The following SVEP1 variants were observed in gnomAD, a reference collection of about 807,000 sequenced individuals.
SVEP1 encodes the protein sushi, von Willebrand factor type A, EGF and pentraxin domain-containing protein 1.
Under a neutral mutation model 367.3 loss-of-function variants are expected in SVEP1, and 164 were observed. The ratio of observed to expected loss-of-function variants is 0.45; its 90% CI spans 0.39 to 0.51. The LOEUF (loss-of-function observed/expected upper bound fraction) is 0.51. SVEP1 is among the 20% of genes least tolerant of loss of function. The pLI is 0.00. For missense variants in SVEP1, 4,117 were observed against 4,425.3 expected, an observed-to-expected ratio of 0.93 and a Z score of 1.98; for synonymous variants, 1,666 against 1,611.6, an observed-to-expected ratio of 1.03 and a Z score of -0.81.
At chr9:110,387,911 C>T (rs550087039) in intron 41 of SVEP1, among the ~76,000 whole-genome samples, 10 of 152,012 alleles carry the variant, frequency 6.6e-5, no homozygotes, top group African/African-American at 1.4e-4. Flanking sequence ...AGCGTGTCTC[C>T]GATATTGCAT....
chr9:110,368,773 T>C (rs988668904), intron 47 of SVEP1, among the ~76,000 whole-genome samples: 2 of 152,218 alleles, frequency 1.3e-5, no homozygotes, highest in African/African-American at 4.8e-5. Flanking sequence ...CTAAATATAT[T>C]TGTCCATTTC....
chr9:110,455,481 T>C (rs1051173192), intron 22 of SVEP1, 109 bp downstream of exon 22: 1 of 786,484 alleles, frequency 1.3e-6, no homozygotes, highest in African/African-American at 1.8e-5. Flanking sequence ...TTCAATATGT[T>C]TATAATATTC....
chr9:110,415,575 T>TC (rs1828107439), intron 36 of SVEP1, among the ~76,000 whole-genome samples: 1 of 152,020 alleles, frequency 6.6e-6, no homozygotes, highest in African/African-American at 2.4e-5. Flanking sequence ...AGCGATGCCA[T>TC]CCTTGACTGG....
At chr9:110,424,607 T>A (rs186365650) in intron 36 of SVEP1, among the ~76,000 whole-genome samples, 1 of 152,226 alleles carries the variant, frequency 6.6e-6, no homozygotes, top group South Asian at 2.1e-4. Context: ...GAATTTAACA[T>A]GCACTTTTAT....
intron 18 of SVEP1, 53 bp from the exon 19 acceptor site, chr9:110,459,166 T>C (rs367974869): frequency 7.1e-6 from 11 of 1,541,938 alleles, no homozygotes; most frequent in Non-Finnish European, 8.9e-6. Context: ...CACCCTACAT[T>C]TGAAAGAAGT....
chr9:110,565,001 A>G (rs917311303), intron 1 of SVEP1, among the ~76,000 whole-genome samples: 1 of 152,158 alleles, frequency 6.6e-6, no homozygotes, highest in African/African-American at 2.4e-5. Context: ...AAATGAATCT[A>G]GTTTATTACC....
chr9:110,542,052 G>T (rs181600964), intron 3 of SVEP1, among the ~76,000 whole-genome samples: 26 of 152,086 alleles, frequency 1.7e-4, no homozygotes, highest in Admixed American at 1.2e-3. Context: ...AAATTAAGTT[G>T]CTCATAGCCA....
chr9:110,541,458 G>A (rs1044316980), intron 3 of SVEP1, among the ~76,000 whole-genome samples: 2 of 151,982 alleles, frequency 1.3e-5, no homozygotes, highest in Non-Finnish European at 2.9e-5. Context: ...AGGCCTGTGC[G>A]CCAGCATGCA....
At chr9:110,475,606 G>A (rs1829088340) in intron 14 of SVEP1, among the ~76,000 whole-genome samples, 1 of 151,164 alleles carries the variant, frequency 6.6e-6, no homozygotes, top group African/African-American at 2.4e-5. Flanking sequence ...CATAATCATG[G>A]CTCACTGCAG....
rs562994212 is a variant in SVEP1, at chr9:110,561,391, G to T, written c.532-11287C>A. 2.6e-5 allele frequency among the ~76,000 whole-genome samples: 4 copies of T among 152,024 alleles called. No individual in the cohort carries two copies. The East Asian group carries it at 5.8e-4, about 22-fold the overall frequency. On this transcript the variant is annotated intron_variant, in intron 1 of 47. Transcript: ENST00000374469. The stretch of plus-strand genomic sequence containing the variant: ...TGTAGGTCTGACTACATCCCAAGTC[G>T]GATGGCAAGATACTCTATGGCAGGA...
intron 32 of SVEP1, among the ~76,000 whole-genome samples, chr9:110,431,314 T>C (rs1828345967): frequency 6.6e-6 from 1 of 151,162 alleles, no homozygotes; most frequent in South Asian, 2.1e-4. Context: ...GTGCCTGATA[T>C]AATATTACAT....
rs147896678 is a variant in SVEP1 at position 110,385,574 on chromosome 9, A to G, written c.10237+324T>C. ...ATAATTTTTCTGTTGCAAAACATTC[A>G]TAGTCTGTTAAAGGATAGTTTGGGG... On this transcript the variant is annotated intron_variant, in intron 43 of 47. Coordinates refer to ENST00000374469, the MANE Select transcript of SVEP1 (RefSeq NM_153366.4). 5.7e-3 allele frequency among the ~76,000 whole-genome samples: 866 copies of G among 152,316 alleles called. 7 individuals are homozygous for G. Among genetic ancestry groups the G allele is most frequent in the African/African-American group, 0.02 (832 of 41,560 alleles).
intron 29 of SVEP1, 151 bp downstream of exon 29, chr9:110,435,090 A>C: frequency 1.2e-6 from 1 of 813,516 alleles, no homozygotes; most frequent in Non-Finnish European, 1.7e-6. Context: ...CTTTGGATGA[A>C]AATAGGGTAA....
intron 2 of SVEP1, among the ~76,000 whole-genome samples, chr9:110,547,251 T>G (rs1195672466): frequency 6.6e-6 from 1 of 152,048 alleles, no homozygotes; most frequent in Non-Finnish European, 1.5e-5. Context: ...TCCAATAGAC[T>G]GTGGTGTGGG....
chr9:110,455,681 G>A lies in SVEP1; in HGVS notation c.3696C>T (p.Ile1232=), dbSNP rs776949127. 3.1e-6 allele frequency: 5 copies of A among 1,611,274 alleles called. No homozygotes were observed. The highest frequency in any genetic ancestry group is 2.7e-5 in the African/African-American group (2 of 74,832). Residue 1232 remains isoleucine (I), a synonymous_variant, in exon 22 of 48, where the codon ATC becomes ATT. Coordinates refer to ENST00000374469, the MANE Select transcript of SVEP1 (RefSeq NM_153366.4). The part of the protein sequence containing the change: ...GYTGLKCETD[I]DECSPLPCLN... ...GGCAAGGCAGTGGGCTGCACTCATC[G>A]ATGTCTGTTTCACACTTTAAGCCTA...
intron 1 of SVEP1, among the ~76,000 whole-genome samples, chr9:110,561,177 T>C (rs928515503): frequency 8.5e-5 from 13 of 152,164 alleles, no homozygotes; most frequent in African/African-American, 2.9e-4. Flanking sequence ...GCGTTCTTGA[T>C]GTTTGCTCTG....
intron 3 of SVEP1, among the ~76,000 whole-genome samples, chr9:110,523,380 T>C (rs955329212): frequency 6.6e-6 from 1 of 152,134 alleles, no homozygotes; most frequent in Non-Finnish European, 1.5e-5. Flanking sequence ...TTTATTTTCA[T>C]TCAATCATAA....
intron 1 of SVEP1, among the ~76,000 whole-genome samples, chr9:110,562,876 G>C (rs985382927): frequency 3.9e-5 from 6 of 152,036 alleles, no homozygotes; most frequent in Non-Finnish European, 8.8e-5. Context: ...ATTTTTAGTA[G>C]AGATGGGGTT....
At chr9:110,476,012 AATTT>A (rs1219443796) in intron 14 of SVEP1, 188 bp downstream of exon 14, 15 of 452,948 alleles carry the variant, frequency 3.3e-5, no homozygotes, top group Non-Finnish European at 5.0e-5. Context: ...AATTTTAAAT[AATTT>A]ATTTGTTACT....
Sources: allele counts gnomAD v4.1 joint callset (sites outside exome capture counted in the v4.1 genomes callset), GRCh38; gene constraint gnomAD v4.1.1; transcripts MANE v1.5; gene names NCBI Gene and HGNC (gene_info 2026-07-23, HGNC 2026-07-21).